The following C1orf21 variants were observed in gnomAD, a reference collection of about 807,000 sequenced individuals.
The protein encoded by C1orf21 is uncharacterized protein C1orf21.
A neutral mutation model predicts 18.7 loss-of-function variants in C1orf21; 3 were observed. The ratio of observed to expected loss-of-function variants is 0.16; its 90% CI spans 0.07 to 0.42. The LOEUF is 0.42. C1orf21 is among the 10% of genes least tolerant of loss of function. The pLI is 0.99. For synonymous variants in C1orf21, 41 were observed against 46.4 expected (o/e 0.88, Z 0.47); for missense variants, 104 against 143.6 (o/e 0.72, Z 1.41).
At chr1:184,592,770 G>A (rs1005153682) in intron 4 of C1orf21, among the ~76,000 whole-genome samples, 1 of 152,168 alleles carries the variant, frequency 6.6e-6, no homozygotes, top group East Asian at 1.9e-4. Flanking sequence ...CTTTACCCTG[G>A]CTCAGTGTCT....
intron 3 of C1orf21, among the ~76,000 whole-genome samples, chr1:184,571,937 C>T (rs369964189): frequency 6.6e-6 from 1 of 152,162 alleles, no homozygotes; most frequent in Non-Finnish European, 1.5e-5. Flanking sequence ...ATGCTTACCT[C>T]ATATAGTTGT....
At chr1:184,429,018 C>G (rs1366495041) in intron 1 of C1orf21, among the ~76,000 whole-genome samples, 1 of 152,176 alleles carries the variant, frequency 6.6e-6, no homozygotes, top group Non-Finnish European at 1.5e-5. Flanking sequence ...GGCTCCATCC[C>G]CCAACCCAGT....
intron 3 of C1orf21, among the ~76,000 whole-genome samples, chr1:184,559,122 A>G (rs1218918592): frequency 1.3e-5 from 2 of 152,134 alleles, no homozygotes; most frequent in Non-Finnish European, 2.9e-5. Context: ...ACCCAAATCT[A>G]GTGTTGAATT....
chr1:184,462,789 T>C (rs1657327663), intron 1 of C1orf21, among the ~76,000 whole-genome samples: 1 of 152,084 alleles, frequency 6.6e-6, no homozygotes, highest in African/African-American at 2.4e-5. Flanking sequence ...ATCAGAAGAA[T>C]TATAGTGTTC....
At chr1:184,469,260 C>T (rs1450671805) in intron 1 of C1orf21, among the ~76,000 whole-genome samples, 1 of 152,018 alleles carries the variant, frequency 6.6e-6, no homozygotes, top group Non-Finnish European at 1.5e-5. Context: ...AAAAACAAAA[C>T]AAACGAACAA....
intron 2 of C1orf21, among the ~76,000 whole-genome samples, chr1:184,502,943 T>C (rs1299129108): frequency 6.6e-6 from 1 of 151,758 alleles, no homozygotes; most frequent in Non-Finnish European, 1.5e-5. Flanking sequence ...GCAGGCATGA[T>C]GGTGTGCACC....
At chr1:184,464,192 A>G (rs893450022) in intron 1 of C1orf21, among the ~76,000 whole-genome samples, 1 of 152,222 alleles carries the variant, frequency 6.6e-6, no homozygotes, top group Non-Finnish European at 1.5e-5. Flanking sequence ...ACATGTTCTG[A>G]GCTAAGCCCT....
chr1:184,506,068 A>G (rs1441613084), intron 2 of C1orf21, among the ~76,000 whole-genome samples: 1 of 152,076 alleles, frequency 6.6e-6, no homozygotes, highest in Non-Finnish European at 1.5e-5. Context: ...TTGTATTGTA[A>G]TTGTGGATCA....
Position 184,493,208 on chromosome 1 carries a change from T to C in C1orf21, c.95-14380T>C, listed in dbSNP as rs565917368. Among the ~76,000 whole-genome samples the C allele has an allele frequency of 2.0e-5, 3 of 152,332 alleles. No homozygotes were observed. In the East Asian group the frequency reaches 5.8e-4, roughly 29 times the overall value. ...TAAAGTTTCTTGGTTGGAACAGCCA[T>C]AGCTGGGGAAGATGCCTGCTGGAGA... On this transcript the variant is annotated intron_variant, in intron 2 of 5. Coordinates refer to ENST00000235307, the MANE Select transcript of C1orf21 (RefSeq NM_030806.4).
intron 3 of C1orf21, among the ~76,000 whole-genome samples, chr1:184,534,922 T>C (rs1378855406): frequency 6.6e-6 from 1 of 152,000 alleles, no homozygotes; most frequent in Non-Finnish European, 1.5e-5. Flanking sequence ...AGAAAGTCCC[T>C]GAACTGGAGT....
At chr1:184,469,451 G>A (rs757052989) in intron 1 of C1orf21, among the ~76,000 whole-genome samples, 4 of 152,220 alleles carry the variant, frequency 2.6e-5, no homozygotes, top group Non-Finnish European at 5.9e-5. Context: ...TTGGATTTGT[G>A]TAGAAGTTGA....
intron 1 of C1orf21, among the ~76,000 whole-genome samples, chr1:184,467,987 G>GGTGGGT (rs1491169907): frequency 2.7e-5 from 4 of 148,928 alleles, no homozygotes; most frequent in African/African-American, 9.9e-5. Flanking sequence ...GAGCTTTTAT[G>GGTGGGT]GTGTGTGTGT....
rs67905484 is a variant in C1orf21 at position 184,578,993 on chromosome 1, T to TA, written c.190-11725dup. The stretch of plus-strand genomic sequence containing the variant: ...CTGGCATCCATCCTCTTGTGAAGGT[T>TA]AAAAAAAAAAAAAAAAAAAAAGAAC... On this transcript the variant is annotated intron_variant, in intron 3 of 5. Coordinates refer to ENST00000235307, the MANE Select transcript of C1orf21 (RefSeq NM_030806.4). Among the ~76,000 whole-genome samples, 123 of 121,662 alleles carry TA rather than the reference T, an allele frequency of 1.0e-3. 1 individual carries two copies. The highest frequency in any genetic ancestry group is 4.5e-3 in the East Asian group (19 of 4,202). The allele number at this position is 121,662 out of a possible 152,430, so 79.8% of individuals were successfully genotyped here. A position where few individuals can be genotyped will look rare whatever the true frequency, so the allele number is the denominator to read the frequency against.
intron 5 of C1orf21, among the ~76,000 whole-genome samples, 194 bp downstream of exon 5, chr1:184,598,655 C>T (rs1486641469): frequency 1.3e-5 from 2 of 152,144 alleles, no homozygotes; most frequent in Admixed American, 1.3e-4. Context: ...TAGACACTCC[C>T]AGGACCCAGG....
chr1:184,446,439 TA>T (rs1242959109), intron 1 of C1orf21, among the ~76,000 whole-genome samples: 1 of 152,186 alleles, frequency 6.6e-6, no homozygotes, highest in African/African-American at 2.4e-5. Context: ...ACACTCCCTA[TA>T]AATTATTCTT....
chr1:184,408,474 A>G (rs1038549213), intron 1 of C1orf21: 2 of 152,208 alleles, frequency 1.3e-5, no homozygotes, highest in African/African-American at 4.8e-5. Context: ...CTTGTAGGAA[A>G]ATTCTGCCCC....
intron 3 of C1orf21, among the ~76,000 whole-genome samples, chr1:184,509,068 A>C (rs909942552): frequency 6.6e-6 from 1 of 152,180 alleles, no homozygotes; most frequent in Non-Finnish European, 1.5e-5. Context: ...AATAATATTT[A>C]CTGTAGAGGC....
At chr1:184,511,826 G>A (rs780293328) in intron 3 of C1orf21, among the ~76,000 whole-genome samples, 20 of 152,124 alleles carry the variant, frequency 1.3e-4, no homozygotes, top group Admixed American at 2.0e-4. Context: ...AGTGCATAGT[G>A]AAGGGGAGAA....
rs141202914 is a variant in C1orf21 at position 184,462,803 on chromosome 1, C to T, written c.-124-14583C>T. 1.2e-4 allele frequency among the ~76,000 whole-genome samples: 19 copies of T among 152,166 alleles called. No individual in the cohort carries two copies. The East Asian group carries it at 2.9e-3, about 23-fold the overall frequency. On this transcript the variant is annotated intron_variant, in intron 1 of 5. Coordinates refer to ENST00000235307, the MANE Select transcript of C1orf21 (RefSeq NM_030806.4). ...CATCAGAAGAATTATAGTGTTCGGCCGGGTGTGGTGGCTCATGCCTGTGAT... is the reference window on the plus strand; with the variant it reads ...CATCAGAAGAATTATAGTGTTCGGCTGGGTGTGGTGGCTCATGCCTGTGAT...
Sources: gnomAD v4.1 joint callset for allele counts (sites outside exome capture counted in the v4.1 genomes callset) on GRCh38, gnomAD v4.1.1 for gene constraint, MANE v1.5 for transcripts, NCBI Gene and HGNC (gene_info 2026-07-23, HGNC 2026-07-21) for gene names.